RANBP3: variants seen among roughly 807,000 people sequenced by gnomAD.
The protein encoded by RANBP3 is RAN binding protein 3, also known as ran-binding protein 3.
A neutral mutation model predicts 77.3 loss-of-function variants in RANBP3; 14 were observed. That is an observed-to-expected ratio of 0.18 (90% CI 0.12 to 0.28). The LOEUF is 0.28. RANBP3 is among the 10% of genes least tolerant of loss of function. The pLI, the probability that RANBP3 is intolerant of heterozygous loss-of-function variation, is 1.00. For missense variants in RANBP3, 586 were observed against 752.3 expected (o/e 0.78, Z 2.59); for synonymous variants, 315 against 312.4 (o/e 1.01, Z -0.09).
At chr19:5,951,360 G>T (rs769429814) in intron 3 of RANBP3, 33 bp downstream of exon 3, 1 of 1,537,866 alleles carries the variant, frequency 6.5e-7, no homozygotes, top group East Asian at 2.4e-5. Context: ...GCTCCCCCTG[G>T]GCGGTAGGAG....
rs4807058 is a variant in RANBP3 at position 5,917,605 on chromosome 19, G to A, written c.*5C>T. 9,647 of 1,596,910 alleles carry A rather than the reference G, an allele frequency of 6.0e-3. 176 individuals are homozygous for A. Among genetic ancestry groups the A allele is most frequent in the Admixed American group, 0.04 (2,329 of 58,726 alleles). On this transcript the variant is annotated 3_prime_UTR_variant, in exon 17 of 17. Coordinates refer to ENST00000340578, the MANE Select transcript of RANBP3 (RefSeq NM_007322.3). Reference sequence around the variant, plus strand: ...CAGCCTGGTGTGCAGCCGGGCTCCCGGCCGCTATGTGCTCCCGGTCGTCTG... The same window carrying A: ...CAGCCTGGTGTGCAGCCGGGCTCCCAGCCGCTATGTGCTCCCGGTCGTCTG...
chr19:5,931,030 C>T (rs75944016), intron 8 of RANBP3, among the ~76,000 whole-genome samples: 3 of 152,160 alleles, frequency 2.0e-5, no homozygotes, highest in African/African-American at 7.2e-5. Context: ...TTCCTCGGGC[C>T]CTAGTGACTC....
At chr19:5,947,329 GAAAGA>G (rs1374097198) in intron 3 of RANBP3, among the ~76,000 whole-genome samples, 210 of 145,980 alleles carry the variant, frequency 1.4e-3, no homozygotes, top group African/African-American at 5.0e-3. Flanking sequence ...AAAAAAAAAA[GAAAGA>G]AAAGAAAAGA....
At position 5,921,084 on chromosome 19, in the gene RANBP3, C is replaced by A; in HGVS notation, c.1330+117G>T. The A allele has an allele frequency of 7.4e-7, 1 of 1,344,980 alleles. No individual in the cohort carries two copies. The highest frequency in any genetic ancestry group is 1.0e-6 in the Non-Finnish European group (1 of 1,000,906). 83.3% of individuals were successfully genotyped at this position (1,344,980 alleles called of 1,614,324 possible). A position where few individuals can be genotyped will look rare whatever the true frequency, so the allele number is the denominator to read the frequency against. On this transcript the variant is annotated intron_variant, in intron 14 of 16. Coordinates refer to ENST00000340578, the MANE Select transcript of RANBP3 (RefSeq NM_007322.3). The surrounding 1 kb of genome is among the most constrained non-coding windows in gnomAD (Gnocchi z 5.3). Reference sequence around the variant, plus strand: ...GCTCTCATGGGAGACCGACTCTGTGCCTTGACTCTCACAAGGGTAGGGTCA... The same window carrying A: ...GCTCTCATGGGAGACCGACTCTGTGACTTGACTCTCACAAGGGTAGGGTCA...
At chr19:5,938,243 T>A (rs1267240785) in intron 5 of RANBP3, among the ~76,000 whole-genome samples, 2 of 152,206 alleles carry the variant, frequency 1.3e-5, no homozygotes, top group Admixed American at 1.3e-4. Flanking sequence ...GGTTACAGAA[T>A]TCAGGTTGTT....
chr19:5,930,201 C>CAA (rs1179031273), intron 8 of RANBP3, among the ~76,000 whole-genome samples: 1 of 152,218 alleles, frequency 6.6e-6, no homozygotes, highest in African/African-American at 2.4e-5. Flanking sequence ...CCTCAGCAGT[C>CAA]AAAGCTTCCA....
chr19:5,940,117 C>G (rs2058116113), intron 5 of RANBP3, among the ~76,000 whole-genome samples: 1 of 152,320 alleles, frequency 6.6e-6, no homozygotes, highest in Non-Finnish European at 1.5e-5. Context: ...TATTGGTGCC[C>G]CTCACGCCTC....
At chr19:5,918,662 C>T (rs778063278) in intron 14 of RANBP3, 24 bp from the exon 15 acceptor site, 1 of 1,607,896 alleles carries the variant, frequency 6.2e-7, no homozygotes, top group Admixed American at 1.7e-5. Context: ...GGCCACTCAG[C>T]CCTGGCCCCC....
In RANBP3 at chr19:5,959,458, C is replaced by T. The variant is rs1208447312; in HGVS notation, c.23-1485G>A. Among the ~76,000 whole-genome samples, 1 of 152,114 alleles carries T rather than the reference C, an allele frequency of 6.6e-6. No homozygotes were observed. Among genetic ancestry groups the T allele is most frequent in the Non-Finnish European group, 1.5e-5 (1 of 68,014 alleles). On this transcript the variant is annotated intron_variant, in intron 1 of 16. Transcript: ENST00000340578. This position sits in a 1 kb window ranked among gnomAD's most constrained non-coding sequence, Gnocchi z 5.1. ...TGATGGTGACATTCCCCCCACCATG[C>T]TCCCCGAAGCCTCGGCACACCAGGG...
intron 6 of RANBP3, 65 bp downstream of exon 6, chr19:5,933,349 G>T: frequency 1.5e-6 from 2 of 1,359,244 alleles, no homozygotes; most frequent in Non-Finnish European, 2.0e-6. Flanking sequence ...GCCCTGGTGT[G>T]GCCTAGCAGA....
intron 1 of RANBP3, among the ~76,000 whole-genome samples, chr19:5,974,126 G>A (rs1026497435): frequency 6.6e-6 from 1 of 152,170 alleles, no homozygotes; most frequent in Admixed American, 6.5e-5. Flanking sequence ...CATCTAGTGA[G>A]TAGGTCCAAG....
At chr19:5,944,010 G>C (rs1020373403) in intron 3 of RANBP3, among the ~76,000 whole-genome samples, 1 of 152,198 alleles carries the variant, frequency 6.6e-6, no homozygotes, top group African/African-American at 2.4e-5. Context: ...CATTTTCTAC[G>C]GGTGAAACCT....
At chr19:5,931,678 C>G in intron 7 of RANBP3, 147 bp from the exon 8 acceptor site, 5 of 809,938 alleles carry the variant, frequency 6.2e-6, no homozygotes, top group Non-Finnish European at 8.8e-6. Flanking sequence ...AAGGAAGGAC[C>G]TGGTATCTCT....
chr19:5,917,851 C>T lies in RANBP3; in HGVS notation c.1603G>A (p.Glu535Lys), dbSNP rs183601024. 2.8e-5 allele frequency: 45 copies of T among 1,612,872 alleles called. 1 individual carries two copies. The highest frequency in any genetic ancestry group is 2.4e-4 in the South Asian group (22 of 91,074). ...TCGTCATCGTCGCTGTCGTCCTCCT[C>T]GTTGGATGGGGCTGCCCCAGGCTCA... ...APEPGAAPSNEEDDSDDDDVL... is the reference protein window; with the variant it reads ...APEPGAAPSNKEDDSDDDDVL... Residue 535 changes from glutamate to lysine, a missense_variant, in exon 16 of 17, where the codon GAG (glutamate) becomes AAG (lysine). Glu to Lys is a moderately conservative substitution (Grantham distance 56, BLOSUM62 1). This residue lies in a region of RANBP3 where 128 missense variants were observed against 157.0 expected (regional missense o/e 0.82). Transcript: ENST00000340578.
chr19:5,924,800 G>A lies in RANBP3; in HGVS notation c.996+27C>T. The stretch of plus-strand genomic sequence containing the variant: ...CTGGCGCCGAGAGCCTCTGGTCCCT[G>A]AGAACATTCCCAACACAGCCACTCA... On this transcript the variant is annotated intron_variant, in intron 11 of 16. Coordinates refer to ENST00000340578, the MANE Select transcript of RANBP3 (RefSeq NM_007322.3). The surrounding 1 kb of genome is among the most constrained non-coding windows in gnomAD (Gnocchi z 4.7). The A allele has an allele frequency of 6.2e-7, 1 of 1,604,284 alleles. No individual in the cohort carries two copies. Among genetic ancestry groups the A allele is most frequent in the South Asian group, 1.1e-5 (1 of 90,900 alleles).
chr19:5,943,053 G>A (rs1024320958), intron 3 of RANBP3, among the ~76,000 whole-genome samples: 3 of 152,130 alleles, frequency 2.0e-5, no homozygotes, highest in Non-Finnish European at 4.4e-5. Context: ...TTAACATGAG[G>A]AGTGTTTATC....
chr19:5,938,043 G>C (rs1444227778), intron 5 of RANBP3, among the ~76,000 whole-genome samples: 1 of 152,172 alleles, frequency 6.6e-6, no homozygotes, highest in Non-Finnish European at 1.5e-5. Flanking sequence ...CCCCTCTGCA[G>C]GATGAGACCA....
chr19:5,917,543 G>A lies in RANBP3; in HGVS notation c.*67C>T, dbSNP rs1208098152. The stretch of plus-strand genomic sequence containing the variant: ...CGCACCTGGACGCTGCCGGTGGGGT[G>A]GGGGCGGGTGGGCGGGTGGATAGAC... On this transcript the variant is annotated 3_prime_UTR_variant, in exon 17 of 17. Transcript: ENST00000340578. 1.3e-6 allele frequency: 2 copies of A among 1,483,480 alleles called. No individual in the cohort carries two copies. Among genetic ancestry groups the A allele is most frequent in the Non-Finnish European group, 1.8e-6 (2 of 1,112,794 alleles). 91.9% of individuals were successfully genotyped at this position (1,483,480 alleles called of 1,614,324 possible).
At position 5,945,526 on chromosome 19, in the gene RANBP3, G is replaced by C. The variant is rs373088443; in HGVS notation, c.283-3691C>G. On this transcript the variant is annotated intron_variant, in intron 3 of 16. Transcript: ENST00000340578. ...AGAAGGCTGTGTACCCCACTGTTTG[G>C]GTGGGGTGACCTATATGTCTGTTAG... Among the ~76,000 whole-genome samples the C allele has an allele frequency of 1.1e-3, 173 of 152,242 alleles. 1 individual carries two copies. The highest frequency in any genetic ancestry group is 4.0e-3 in the African/African-American group (168 of 41,536).
Sources: gnomAD v4.1 joint callset for allele counts (sites outside exome capture counted in the v4.1 genomes callset) on GRCh38, gnomAD v4.1.1 for gene constraint, gnomAD v4.1.1 regional missense constraint, Gnocchi (gnomAD v3.1) non-coding constraint, MANE v1.5 for transcripts, NCBI Gene and HGNC (gene_info 2026-07-23, HGNC 2026-07-21) for gene names.